PRMT3: variants seen among roughly 807,000 people sequenced by gnomAD.
The protein encoded by PRMT3 is protein arginine N-methyltransferase 3.
Under a neutral mutation model 71.9 loss-of-function variants are expected in PRMT3, and 62 were observed. The ratio of observed to expected loss-of-function variants is 0.86; its 90% CI spans 0.70 to 1.07. The LOEUF is 1.07. PRMT3 is among the 50% of genes least tolerant of loss of function. The pLI, the probability that PRMT3 is intolerant of heterozygous loss-of-function variation, is 0.00. For missense variants in PRMT3, 663 were observed against 643.0 expected (o/e 1.03, Z -0.34); for synonymous variants, 213 against 220.4 (o/e 0.97, Z 0.30).
intron 7 of PRMT3, among the ~76,000 whole-genome samples, chr11:20,401,563 C>G (rs546563055): frequency 6.6e-6 from 1 of 152,040 alleles, no homozygotes; most frequent in East Asian, 1.9e-4. Context: ...ACTCAGTTGG[C>G]ATAAAAATGT....
intron 13 of PRMT3, among the ~76,000 whole-genome samples, chr11:20,490,050 A>G (rs1423285653): frequency 6.0e-5 from 9 of 150,322 alleles, no homozygotes; most frequent in African/African-American, 2.2e-4. Flanking sequence ...TTAAAACCAG[A>G]AACTCCCTTT....
Position 20,464,450 on chromosome 11 carries a change from T to C in PRMT3, c.1261-10T>C. On this transcript the variant is annotated splice_polypyrimidine_tract_variant and intron_variant, in intron 12 of 15. Coordinates refer to ENST00000331079, the MANE Select transcript of PRMT3 (RefSeq NM_005788.4). ...ACTAAGCTCTTTCTTCACTTCTTTT[T>C]AATGGGTAGCATATAGATTGCCATA... 6.3e-7 allele frequency: 1 copy of C among 1,582,166 alleles called. No individual in the cohort carries two copies. The highest frequency in any genetic ancestry group is 8.6e-7 in the Non-Finnish European group (1 of 1,168,574).
At chr11:20,490,823 C>T (rs201401790) in intron 13 of PRMT3, among the ~76,000 whole-genome samples, 1 of 123,620 alleles carries the variant, frequency 8.1e-6, no homozygotes, top group African/African-American at 3.0e-5. Context: ...TCTTGTTGTT[C>T]CAGTTTACCT....
intron 3 of PRMT3, among the ~76,000 whole-genome samples, chr11:20,391,156 A>G (rs531488030): frequency 6.6e-6 from 1 of 152,386 alleles, no homozygotes; most frequent in African/African-American, 2.4e-5. Context: ...TGTCAGATAA[A>G]TACGTGATAT....
Position 20,407,929 on chromosome 11 carries a change from T to C in PRMT3, c.790T>C (p.Cys264Arg). ...FKDKVVLDVG[C>R]GTGILSMFAA... Reference sequence around the variant, plus strand: ...ACCCTAGGTAGTTTTGGATGTTGGGTGTGGAACTGGAATTCTCTCTATGTT... The same window carrying C: ...ACCCTAGGTAGTTTTGGATGTTGGGCGTGGAACTGGAATTCTCTCTATGTT... Residue 264 changes from cysteine (C) to arginine (R), a missense_variant, in exon 9 of 16, where the codon TGT becomes CGT. By Grantham distance (180) the Cys-to-Arg change is radical. Transcript: ENST00000331079. 1 of 1,611,366 alleles carries C rather than the reference T, an allele frequency of 6.2e-7. No homozygotes were observed. The highest frequency in any genetic ancestry group is 8.5e-7 in the Non-Finnish European group (1 of 1,178,012).
intron 13 of PRMT3, among the ~76,000 whole-genome samples, chr11:20,488,638 T>C (rs1377355169): frequency 6.6e-6 from 1 of 152,148 alleles, no homozygotes; most frequent in Non-Finnish European, 1.5e-5. Context: ...AAATGATAAA[T>C]TACTCCCTGC....
intron 10 of PRMT3, among the ~76,000 whole-genome samples, chr11:20,433,408 A>G (rs1288278513): frequency 6.6e-6 from 1 of 152,134 alleles, no homozygotes; most frequent in African/African-American, 2.4e-5. Context: ...TGGCTGCAAT[A>G]GTATTCTATG....
intron 13 of PRMT3, among the ~76,000 whole-genome samples, chr11:20,470,327 T>C (rs1850613154): frequency 2.0e-5 from 3 of 152,160 alleles, no homozygotes. Context: ...TGGTTTGCTG[T>C]ACAGATCATC....
At chr11:20,437,483 A>G (rs2133366840) in intron 10 of PRMT3, among the ~76,000 whole-genome samples, 1 of 152,298 alleles carries the variant, frequency 6.6e-6, no homozygotes, top group African/African-American at 2.4e-5. Context: ...GTGCAGTGGT[A>G]TAGTCTCTTT....
intron 13 of PRMT3, among the ~76,000 whole-genome samples, chr11:20,482,669 C>G (rs1850967424): frequency 6.6e-6 from 1 of 151,884 alleles, no homozygotes; most frequent in South Asian, 2.1e-4. Flanking sequence ...AGTAATCTTC[C>G]CAAGTTCAGG....
At chr11:20,463,016 C>A (rs1319102054) in intron 12 of PRMT3, among the ~76,000 whole-genome samples, 1 of 152,148 alleles carries the variant, frequency 6.6e-6, no homozygotes, top group African/African-American at 2.4e-5. Flanking sequence ...CAGGCATGCA[C>A]CACCATGCCT....
At chr11:20,495,988 T>TA (rs1390674971) in intron 15 of PRMT3, among the ~76,000 whole-genome samples, 3 of 152,232 alleles carry the variant, frequency 2.0e-5, no homozygotes, top group Admixed American at 6.5e-5. Flanking sequence ...TTTTGCTGGC[T>TA]TTTAATTAGT....
At chr11:20,437,186 G>A (rs1849778952) in intron 10 of PRMT3, among the ~76,000 whole-genome samples, 1 of 151,788 alleles carries the variant, frequency 6.6e-6, no homozygotes. Context: ...AGCTAATGGT[G>A]TGTCAATTTT....
intron 13 of PRMT3, among the ~76,000 whole-genome samples, chr11:20,486,862 G>C (rs1851085947): frequency 1.3e-5 from 2 of 152,030 alleles, no homozygotes; most frequent in Admixed American, 1.3e-4. Context: ...TTCAAGACCA[G>C]CCTGGCCAAC....
intron 5 of PRMT3, among the ~76,000 whole-genome samples, 187 bp from the exon 6 acceptor site, chr11:20,395,616 G>A (rs962742396): frequency 2.0e-5 from 3 of 151,978 alleles, no homozygotes; most frequent in African/African-American, 7.3e-5. Flanking sequence ...GCCTTCCAAA[G>A]TGCTGGGATT....
intron 9 of PRMT3, among the ~76,000 whole-genome samples, chr11:20,413,129 T>C (rs1849231268): frequency 6.6e-6 from 1 of 152,218 alleles, no homozygotes; most frequent in Non-Finnish European, 1.5e-5. Flanking sequence ...AACATTGTAC[T>C]GTTTCTTCAG....
Position 20,387,951 on chromosome 11 carries a change from C to T in PRMT3, c.29-68C>T, listed in dbSNP as rs1158746955. On this transcript the variant is annotated intron_variant, in intron 1 of 15. Transcript: ENST00000331079. The surrounding 1 kb of genome is among the most constrained non-coding windows in gnomAD (Gnocchi z 4.3). ...CGGGGCGGAGGAGAGCCCATCGTCA[C>T]CTGCTCCTCGAGCCCCCGGGCCGCA... is the stretch of plus-strand genomic sequence containing the variant. The T allele has an allele frequency of 3.1e-6, 5 of 1,607,386 alleles. No homozygotes were observed. The highest frequency in any genetic ancestry group is 4.2e-6 in the Non-Finnish European group (5 of 1,176,672).
intron 13 of PRMT3, among the ~76,000 whole-genome samples, chr11:20,485,581 T>C (rs753129795): frequency 6.6e-6 from 1 of 151,996 alleles, no homozygotes; most frequent in Non-Finnish European, 1.5e-5. Flanking sequence ...GATCTTCATG[T>C]ATTAGTGTAG....
At chr11:20,417,445 T>C (rs1048781928) in intron 9 of PRMT3, among the ~76,000 whole-genome samples, 1 of 152,164 alleles carries the variant, frequency 6.6e-6, no homozygotes, top group Non-Finnish European at 1.5e-5. Flanking sequence ...TTAAATGCAC[T>C]CGATTAGGTG....
Sources: gnomAD v4.1 joint callset for allele counts (sites outside exome capture counted in the v4.1 genomes callset) on GRCh38, gnomAD v4.1.1 for gene constraint, Gnocchi (gnomAD v3.1) non-coding constraint, MANE v1.5 for transcripts, NCBI Gene and HGNC (gene_info 2026-07-23, HGNC 2026-07-21) for gene names.